COG5: variants seen among roughly 807,000 people sequenced by gnomAD.
COG5 encodes the protein component of oligomeric golgi complex 5.
A neutral mutation model predicts 110.4 loss-of-function variants in COG5; 86 were observed. That is an observed-to-expected ratio of 0.78 (90% CI 0.65 to 0.93). COG5 has a LOEUF of 0.93. Ranked by LOEUF, COG5 falls within the 40% of genes least tolerant of loss-of-function variation. The probability of loss-of-function intolerance (pLI) is 0.00; values close to 1 mark genes in which losing one functional copy is unlikely to be tolerated. For synonymous variants in COG5, 360 were observed against 334.6 expected (o/e 1.08, Z -0.83); for missense variants, 1,077 against 987.0 (o/e 1.09, Z -1.22).
chr7:107,268,965 T>C (rs1030782322), intron 14 of COG5, among the ~76,000 whole-genome samples: 1 of 152,200 alleles, frequency 6.6e-6, no homozygotes, highest in Admixed American at 6.5e-5. Context: ...TTTATATTTA[T>C]TGTGATCAGT....
chr7:107,446,770 C>G (rs747613507), intron 6 of COG5, among the ~76,000 whole-genome samples: 5 of 152,182 alleles, frequency 3.3e-5, no homozygotes, highest in Non-Finnish European at 4.4e-5. Context: ...CACAGTCACA[C>G]CCTGGCTGAC....
chr7:107,508,729 C>G (rs1799243197), intron 6 of COG5, among the ~76,000 whole-genome samples: 1 of 152,168 alleles, frequency 6.6e-6, no homozygotes, highest in African/African-American at 2.4e-5. Context: ...CACCAACATC[C>G]ACTGTTCTAC....
Position 107,201,409 on chromosome 7 carries a change from C to A in COG5, c.*2107G>T. The stretch of plus-strand genomic sequence containing the variant: ...CATTCACTGAGTTTAATTTTATTTC[C>A]ACAGGGCTCACAACAACATTAAACC... On this transcript the variant is annotated 3_prime_UTR_variant, in exon 22 of 22. Coordinates refer to ENST00000297135, the MANE Select transcript of COG5 (RefSeq NM_006348.5). 1.3e-6 allele frequency: 2 copies of A among 1,565,356 alleles called. No individual in the cohort carries two copies. Among genetic ancestry groups the A allele is most frequent in the South Asian group, 2.2e-5 (2 of 89,418 alleles).
At chr7:107,239,806 G>C (rs1350648498) in intron 17 of COG5, among the ~76,000 whole-genome samples, 1 of 152,126 alleles carries the variant, frequency 6.6e-6, no homozygotes, top group Admixed American at 6.5e-5. Context: ...TCCTATTATT[G>C]ATGTCTAGTT....
chr7:107,416,107 C>A (rs1443240391), intron 6 of COG5, among the ~76,000 whole-genome samples: 1 of 151,456 alleles, frequency 6.6e-6, no homozygotes, highest in East Asian at 2.0e-4. Flanking sequence ...GATAAGGTTT[C>A]ATATGTGTAT....
At chr7:107,465,099 A>G (rs909523444) in intron 6 of COG5, among the ~76,000 whole-genome samples, 8 of 152,194 alleles carry the variant, frequency 5.3e-5, no homozygotes, top group Admixed American at 3.3e-4. Context: ...ACACACTCCC[A>G]TTCAACCTAA....
chr7:107,475,216 G>C (rs1378740850), intron 6 of COG5: 3 of 1,611,674 alleles, frequency 1.9e-6, no homozygotes, highest in Non-Finnish European at 2.5e-6. Flanking sequence ...GAAAAAGCGA[G>C]TTGTTTCTAT....
At chr7:107,456,757 C>T (rs534540323) in intron 6 of COG5, among the ~76,000 whole-genome samples, 1 of 152,308 alleles carries the variant, frequency 6.6e-6, no homozygotes, top group East Asian at 1.9e-4. Context: ...AGAAAATCTG[C>T]AAAACTGATC....
At chr7:107,522,131 G>A (rs1048422241) in intron 6 of COG5, among the ~76,000 whole-genome samples, 4 of 152,234 alleles carry the variant, frequency 2.6e-5, no homozygotes, top group East Asian at 1.9e-4. Flanking sequence ...GGGGCAGGGG[G>A]CAGGGGAGAG....
chr7:107,352,043 A>G (rs1461211563), intron 10 of COG5, among the ~76,000 whole-genome samples: 1 of 146,162 alleles, frequency 6.8e-6, no homozygotes, highest in Non-Finnish European at 1.5e-5. Context: ...ACAATAGCAA[A>G]GACTTGGAAC....
At chr7:107,531,279 C>T (rs887055222) in intron 5 of COG5, among the ~76,000 whole-genome samples, 3 of 152,030 alleles carry the variant, frequency 2.0e-5, no homozygotes, top group Non-Finnish European at 4.4e-5. Context: ...ATGCGGGCAG[C>T]TTCATCAGAT....
intron 11 of COG5, among the ~76,000 whole-genome samples, chr7:107,308,373 C>T (rs1312815671): frequency 1.3e-5 from 2 of 152,100 alleles, no homozygotes; most frequent in African/African-American, 4.8e-5. Context: ...TAAAGAGCAA[C>T]CAAGTTGAAA....
At position 107,446,734 on chromosome 7, in the gene COG5, G is replaced by A. The variant is rs556453173; in HGVS notation, c.539-34102C>T. The stretch of plus-strand genomic sequence containing the variant: ...TGGAGGCCTACCAACAACCATGTGA[G>A]TCAGCTTGAAAGTACATCCTTCCAC... On this transcript the variant is annotated intron_variant, in intron 6 of 21. Coordinates refer to ENST00000297135, the MANE Select transcript of COG5 (RefSeq NM_006348.5). 2.0e-5 allele frequency among the ~76,000 whole-genome samples: 3 copies of A among 152,292 alleles called. No individual in the cohort carries two copies. The South Asian group carries it at 6.2e-4, about 32-fold the overall frequency.
intron 19 of COG5, among the ~76,000 whole-genome samples, chr7:107,213,312 C>G (rs975518279): frequency 5.9e-5 from 9 of 152,160 alleles, no homozygotes; most frequent in Non-Finnish European, 8.8e-5. Context: ...TTGAAGAGAA[C>G]AGTGGCTAGA....
At chr7:107,415,952 G>A (rs1292865727) in intron 6 of COG5, among the ~76,000 whole-genome samples, 7 of 100,232 alleles carry the variant, frequency 7.0e-5, no homozygotes, top group African/African-American at 2.3e-4. Flanking sequence ...ATGTATGTAT[G>A]TGTGTGTATA....
At chr7:107,268,941 G>A (rs1228969910) in intron 14 of COG5, among the ~76,000 whole-genome samples, 4 of 152,092 alleles carry the variant, frequency 2.6e-5, no homozygotes, top group Non-Finnish European at 4.4e-5. Context: ...AATGTCAGTG[G>A]CCAGTTTAGT....
chr7:107,492,635 C>T (rs1431233571), intron 6 of COG5, among the ~76,000 whole-genome samples: 3 of 151,958 alleles, frequency 2.0e-5, no homozygotes, highest in Non-Finnish European at 4.4e-5. Flanking sequence ...GGCTTATGAT[C>T]TCCTTCTTTC....
chr7:107,311,635 C>T (rs986717595), intron 11 of COG5, among the ~76,000 whole-genome samples: 28 of 151,396 alleles, frequency 1.8e-4, no homozygotes, highest in African/African-American at 5.8e-4. Context: ...CCTCATGATC[C>T]ACCTGCCTCG....
At chr7:107,214,622 A>G (rs1799392148) in intron 19 of COG5, among the ~76,000 whole-genome samples, 1 of 152,220 alleles carries the variant, frequency 6.6e-6, no homozygotes, top group African/African-American at 2.4e-5. Context: ...GTTAAAAACT[A>G]TTAAAATTAG....
Sources: gnomAD v4.1 joint callset for allele counts (sites outside exome capture counted in the v4.1 genomes callset) on GRCh38, gnomAD v4.1.1 for gene constraint, MANE v1.5 for transcripts, NCBI Gene and HGNC (gene_info 2026-07-23, HGNC 2026-07-21) for gene names.